The following SIPA1L1 variants were observed in gnomAD, a reference collection of about 807,000 sequenced individuals.
The protein encoded by SIPA1L1 is signal-induced proliferation-associated 1-like protein 1.
In SIPA1L1, 26 loss-of-function variants were observed where a neutral mutation model predicts 162.7. The ratio of observed to expected loss-of-function variants is 0.16; its 90% CI spans 0.12 to 0.22. The LOEUF is 0.22. Among genes scored for constraint, SIPA1L1 ranks in the 10% least tolerant of loss-of-function variants. SIPA1L1 has a pLI of 1.00. For synonymous variants in SIPA1L1, 829 were observed against 837.4 expected (o/e 0.99, Z 0.17); for missense variants, 1,874 against 2,241.0 (o/e 0.84, Z 3.31).
chr14:71,586,683 G>A (rs544484123), intron 4 of SIPA1L1: 1 of 152,298 alleles, frequency 6.6e-6, no homozygotes, highest in South Asian at 2.1e-4. Flanking sequence ...CCGTCACCTG[G>A]AAGGATGCTA....
intron 2 of SIPA1L1, chr14:71,321,548 C>T (rs557840178): frequency 6.6e-6 from 1 of 152,480 alleles, no homozygotes; most frequent in South Asian, 2.1e-4. Context: ...GCTTTGCAGC[C>T]TGAGCTGGAG....
In SIPA1L1 at chr14:71,589,032, G is replaced by C. The variant is rs767161318; in HGVS notation, c.1160G>C (p.Gly387Ala). The C allele has an allele frequency of 1.9e-6, 3 of 1,614,102 alleles. No individual in the cohort carries two copies. The South Asian group carries it at 3.3e-5, about 18-fold the overall frequency. Residue 387 changes from glycine (G) to alanine (A), a missense_variant, in exon 5 of 24, where the codon GGC (glycine) becomes GCC (alanine). Physicochemically the swap from Gly to Ala is moderately conservative, Grantham distance 60. This residue lies in a region of SIPA1L1 where 685 missense variants were observed against 828.0 expected (regional missense o/e 0.83). Transcript: ENST00000381232. ...TCAGCCAGTTTTAGCTCCCCAATGG[G>C]CAGCACAGAGGACCTGAATTCCAAA... ...SHSASFSSPM[G>A]STEDLNSKGS...
At chr14:71,711,283 T>A (rs959504873) in intron 17 of SIPA1L1, among the ~76,000 whole-genome samples, 15 of 152,226 alleles carry the variant, frequency 9.9e-5, no homozygotes, top group African/African-American at 3.6e-4. Flanking sequence ...GAACAGGAAG[T>A]GGGCATCAGA....
chr14:71,545,185 T>C (rs1759066319), intron 4 of SIPA1L1, among the ~76,000 whole-genome samples: 1 of 152,188 alleles, frequency 6.6e-6, no homozygotes, highest in African/African-American at 2.4e-5. Context: ...AATTGCTTTG[T>C]ATATTATAGA....
At chr14:71,328,278 A>G (rs2034069724) in intron 2 of SIPA1L1, among the ~76,000 whole-genome samples, 1 of 152,176 alleles carries the variant, frequency 6.6e-6, no homozygotes, top group African/African-American at 2.4e-5. Context: ...GATTGTTCTG[A>G]AGGCCATTTT....
chr14:71,615,075 T>C (rs1205904618), intron 5 of SIPA1L1, among the ~76,000 whole-genome samples: 1 of 152,228 alleles, frequency 6.6e-6, no homozygotes, highest in Non-Finnish European at 1.5e-5. Flanking sequence ...ACTTTTATTT[T>C]CTTCCAGTAT....
chr14:71,723,921 G>A (rs765944783), intron 18 of SIPA1L1, 35 bp downstream of exon 18: 33 of 1,612,492 alleles, frequency 2.0e-5, no homozygotes, highest in Middle Eastern at 1.6e-4. Context: ...CTGGTGGCTT[G>A]CTTTTAACAG....
At chr14:71,459,197 AAG>A (rs1339406973) in intron 2 of SIPA1L1, among the ~76,000 whole-genome samples, 1 of 152,170 alleles carries the variant, frequency 6.6e-6, no homozygotes, top group African/African-American at 2.4e-5. Context: ...AGGGGAGAGT[AAG>A]AGAGGTTTAT....
intron 2 of SIPA1L1, among the ~76,000 whole-genome samples, chr14:71,416,720 T>TC (rs145620788): frequency 6.8e-6 from 1 of 147,738 alleles, no homozygotes; most frequent in African/African-American, 2.5e-5. Flanking sequence ...AAGAAAAATC[T>TC]ACACACACAC....
intron 13 of SIPA1L1, among the ~76,000 whole-genome samples, chr14:71,697,375 CTG>C (rs891002314): frequency 1.3e-5 from 2 of 152,078 alleles, no homozygotes; most frequent in Non-Finnish European, 2.9e-5. Context: ...ACCCAATTGA[CTG>C]TGGAAAGTAA....
chr14:71,625,123 C>T (rs1423369764), intron 7 of SIPA1L1, among the ~76,000 whole-genome samples: 1 of 151,664 alleles, frequency 6.6e-6, no homozygotes, highest in Admixed American at 6.6e-5. Flanking sequence ...ACAGAAGGGT[C>T]CAGCTATTGA....
chr14:71,466,614 G>C lies in SIPA1L1; in HGVS notation c.-464-46129G>C, dbSNP rs772331072. Among the ~76,000 whole-genome samples the C allele has an allele frequency of 3.7e-4, 56 of 150,568 alleles. 1 individual carries two copies. The highest frequency in any genetic ancestry group is 7.4e-4 in the Non-Finnish European group (50 of 67,808). ...AAAAAAAACAGTAATAAAATTCACT[G>C]TGTTCTAATTGTGTCCTCATAGCAG... On this transcript the variant is annotated intron_variant, in intron 2 of 23. Transcript: ENST00000381232.
At chr14:71,504,505 G>A (rs143289541) in intron 2 of SIPA1L1, among the ~76,000 whole-genome samples, 21 of 152,210 alleles carry the variant, frequency 1.4e-4, no homozygotes, top group African/African-American at 4.8e-4. Flanking sequence ...AGGGAAGTTG[G>A]TAAGGACCAA....
chr14:71,596,839 A>G (rs1001783799), intron 5 of SIPA1L1, among the ~76,000 whole-genome samples: 4 of 151,790 alleles, frequency 2.6e-5, no homozygotes, highest in South Asian at 2.1e-4. Flanking sequence ...TGTAATTTCA[A>G]TTTCTTTTTA....
intron 7 of SIPA1L1, among the ~76,000 whole-genome samples, chr14:71,639,096 A>G (rs1433864266): frequency 1.3e-5 from 2 of 152,210 alleles, no homozygotes; most frequent in African/African-American, 4.8e-5. Flanking sequence ...GAAAACTACA[A>G]AACCCTGATG....
intron 4 of SIPA1L1, among the ~76,000 whole-genome samples, chr14:71,570,023 G>A (rs992329695): frequency 1.3e-5 from 2 of 152,090 alleles, no homozygotes; most frequent in Non-Finnish European, 2.9e-5. Flanking sequence ...TACTATGGAA[G>A]GCAGATTTTG....
In SIPA1L1 at chr14:71,512,810, T is replaced by C. The variant is rs2144458624; in HGVS notation, c.-397T>C. ...TTTAAAGGTCTGATCATCAATTGTC[T>C]CTCTGGGCGGCCACCTATGAGACTT... On this transcript the variant is annotated 5_prime_UTR_variant, in exon 3 of 24. Transcript: ENST00000381232. 6.6e-6 allele frequency: 1 copy of C among 152,568 alleles called. No individual in the cohort carries two copies. The highest frequency in any genetic ancestry group is 1.5e-5 in the Non-Finnish European group (1 of 68,294). The allele number at this position is 152,568 out of a possible 1,614,324, so 9.5% of individuals were successfully genotyped here.
At chr14:71,499,567 A>G (rs1157999351) in intron 2 of SIPA1L1, among the ~76,000 whole-genome samples, 2 of 152,216 alleles carry the variant, frequency 1.3e-5, no homozygotes, top group Non-Finnish European at 2.9e-5. Context: ...CATATCTTAA[A>G]TTATCAATCT....
At chr14:71,663,374 A>G (rs2043711831) in intron 10 of SIPA1L1, among the ~76,000 whole-genome samples, 1 of 152,204 alleles carries the variant, frequency 6.6e-6, no homozygotes. Flanking sequence ...CTTGATGTAT[A>G]TTTAGATTTC....
Sources: allele counts gnomAD v4.1 joint callset (sites outside exome capture counted in the v4.1 genomes callset), GRCh38; gene constraint gnomAD v4.1.1; regional missense constraint gnomAD v4.1.1; transcripts MANE v1.5; gene names NCBI Gene and HGNC (gene_info 2026-07-23, HGNC 2026-07-21).